CLCNKA: variants seen among roughly 807,000 people sequenced by gnomAD.
CLCNKA encodes the protein chloride voltage-gated channel Ka, also known as chloride channel protein ClC-Ka.
CLCNKA carries 66 observed loss-of-function variants against 83.3 expected under a neutral mutation model. The ratio of observed to expected loss-of-function variants is 0.79; its 90% CI spans 0.65 to 0.97. CLCNKA has a LOEUF of 0.97. CLCNKA is among the 50% of genes least tolerant of loss of function. CLCNKA has a pLI of 0.00. For missense variants in CLCNKA, 806 were observed against 888.7 expected, an observed-to-expected ratio of 0.91 and a Z score of 1.18; for synonymous variants, 357 against 370.4, an observed-to-expected ratio of 0.96 and a Z score of 0.42.
chr1:16,033,371 G>T, intron 19 of CLCNKA, 115 bp downstream of exon 19: 1 of 1,229,644 alleles, frequency 8.1e-7, no homozygotes, highest in Non-Finnish European at 1.2e-6. Flanking sequence ...GGGATTCAGA[G>T]GATACTTATG....
In CLCNKA at chr1:16,031,710, C is replaced by T. The variant is rs764018505; in HGVS notation, c.1623C>T (p.Gly541=). The T allele has an allele frequency of 3.1e-6, 5 of 1,613,682 alleles. No individual in the cohort carries two copies. Among genetic ancestry groups the T allele is most frequent in the East Asian group, 2.2e-5 (1 of 44,888 alleles). Residue 541 remains glycine, a splice_region_variant and synonymous_variant, in exon 16 of 20, where the codon GGC becomes GGT. Transcript: ENST00000331433. ...CTGATGGGAGCCCCTCTGCCTGCAG[C>T]TCCCACCATGTGAGGGTGGAGCACT... ...YLPRILGRNI[G]SHHVRVEHFM...
At chr1:16,029,090 G>T (rs762839030) in intron 11 of CLCNKA, 36 bp from the exon 12 acceptor site, 26 of 1,602,078 alleles carry the variant, frequency 1.6e-5, no homozygotes, top group Non-Finnish European at 2.1e-5. Flanking sequence ...GCTGGGGGGG[G>T]CCCCTCATGT....
intron 15 of CLCNKA, 34 bp from the exon 16 acceptor site, chr1:16,031,676 C>G (rs1220705937): frequency 6.2e-7 from 1 of 1,613,386 alleles, no homozygotes; most frequent in African/African-American, 1.3e-5. Flanking sequence ...ACATCCCCGA[C>G]TCCGGGACCT....
At chr1:16,029,321 T>A (rs1284109197) in intron 12 of CLCNKA, 22 bp downstream of exon 12, 4 of 1,613,356 alleles carry the variant, frequency 2.5e-6, no homozygotes, top group South Asian at 1.1e-5. Context: ...GACCCCCAGG[T>A]GTGCACAGAG....
chr1:16,026,824 C>G (rs369567599), intron 7 of CLCNKA, 49 bp downstream of exon 7: 2,163 of 1,606,254 alleles, frequency 1.3e-3, no homozygotes, highest in Non-Finnish European at 1.8e-3. Flanking sequence ...AGCTCCTCCC[C>G]TCACACCCTG....
intron 15 of CLCNKA, among the ~76,000 whole-genome samples, chr1:16,030,984 G>A: frequency 6.6e-6 from 1 of 152,166 alleles, no homozygotes; most frequent in Non-Finnish European, 1.5e-5. Flanking sequence ...TCTTGCTCCA[G>A]GTGACACAGA....
At position 16,026,901 on chromosome 1, in the gene CLCNKA, C is replaced by G. The variant is rs1245925819; in HGVS notation, c.655+126C>G. ...GCTCATTCTTGTTCTCACTTCAGCC[C>G]CGCTTTGGGTATAGCCACCCCCCGG... On this transcript the variant is annotated intron_variant, in intron 7 of 19. Coordinates refer to ENST00000331433, the MANE Select transcript of CLCNKA (RefSeq NM_004070.4). The G allele has an allele frequency of 7.4e-6, 10 of 1,344,072 alleles. No homozygotes were observed. The Admixed American group carries it at 1.2e-4, about 16-fold the overall frequency. The allele number at this position is 1,344,072 out of a possible 1,614,324, so 83.3% of individuals were successfully genotyped here.
intron 10 of CLCNKA, 123 bp downstream of exon 10, chr1:16,028,242 C>T: frequency 1.1e-6 from 1 of 896,892 alleles, no homozygotes; most frequent in Non-Finnish European, 1.8e-6. Flanking sequence ...GCCCGTGGAG[C>T]ATCTAACAAC....
At chr1:16,029,469 A>G (rs2022522809) in intron 12 of CLCNKA, 170 bp downstream of exon 12, 3 of 1,129,812 alleles carry the variant, frequency 2.7e-6, no homozygotes, top group African/African-American at 1.5e-5. Context: ...AGGTCTCTGG[A>G]CCTCAGTCTT....
rs573376516 is a variant in CLCNKA at position 16,022,742 on chromosome 1, T to C, written c.100+23T>C. ...AAGGTGAGAGCCAGGTCCTCTTCCC[T>C]ACCCGCGGGGGACCACTCAGGACAT... On this transcript the variant is annotated intron_variant, in intron 2 of 19. Transcript: ENST00000331433. The C allele has an allele frequency of 2.0e-6, 3 of 1,470,316 alleles. No individual in the cohort carries two copies. The South Asian group carries it at 4.1e-5, about 20-fold the overall frequency. The allele number at this position is 1,470,316 out of a possible 1,614,324, so 91.1% of individuals were successfully genotyped here.
intron 3 of CLCNKA, 84 bp downstream of exon 3, chr1:16,024,012 C>A (rs972926113): frequency 6.5e-7 from 1 of 1,547,372 alleles, no homozygotes; most frequent in Non-Finnish European, 8.9e-7. Context: ...CCAAGTGCAG[C>A]GGTGCAGGGA....
At position 16,022,707 on chromosome 1, in the gene CLCNKA, C is replaced by T. The variant is rs770883622; in HGVS notation, c.88C>T (p.Arg30Ter). The T allele has an allele frequency of 1.5e-5, 23 of 1,539,428 alleles. No homozygotes were observed. The highest frequency in any genetic ancestry group is 1.7e-4 in the Middle Eastern group (1 of 5,900). Residue 30 changes from arginine to a stop codon, truncating the protein, a stop_gained, in exon 2 of 20, where the codon CGA becomes TGA. Coordinates refer to ENST00000331433, the MANE Select transcript of CLCNKA (RefSeq NM_004070.4). LOFTEE classifies it high-confidence loss of function. The part of the protein sequence containing the change: ...ELWGPCPHIR[R>*]AIQGGLEWLK... ...GTGGGGCCCCTGTCCCCACATCCGC[C>T]GAGCCATCCAAGGTGAGAGCCAGGT... is the stretch of plus-strand genomic sequence containing the variant.
chr1:16,030,205 G>A, intron 14 of CLCNKA, 130 bp downstream of exon 14: 1 of 766,178 alleles, frequency 1.3e-6, no homozygotes, highest in Non-Finnish European at 2.2e-6. Flanking sequence ...CCCCTCATGG[G>A]GGTCTGTCCC....
intron 11 of CLCNKA, 71 bp from the exon 12 acceptor site, chr1:16,029,055 G>A (rs891427258): frequency 7.6e-6 from 12 of 1,575,102 alleles, no homozygotes; most frequent in East Asian, 2.3e-5. Context: ...GGGGTCAGGC[G>A]GTGCGGGGGA....
chr1:16,026,859 C>T, intron 7 of CLCNKA, 84 bp downstream of exon 7: 1 of 1,540,924 alleles, frequency 6.5e-7, no homozygotes, highest in Non-Finnish European at 9.0e-7. Context: ...AGCTGAGAGC[C>T]TGGAGGAGGG....
rs950649987 is a variant in CLCNKA, at chr1:16,033,746, C to G, written c.*88C>G. 1.1e-4 allele frequency: 141 copies of G among 1,259,500 alleles called. No homozygotes were observed. Among genetic ancestry groups the G allele is most frequent in the Non-Finnish European group, 1.5e-4 (128 of 864,818 alleles). The allele number at this position is 1,259,500 out of a possible 1,614,324, so 78.0% of individuals were successfully genotyped here. On this transcript the variant is annotated 3_prime_UTR_variant, in exon 20 of 20. Coordinates refer to ENST00000331433, the MANE Select transcript of CLCNKA (RefSeq NM_004070.4). ...CCTGCTTCTCTTCCCCCATCACCAC[C>G]TGCCCCTCCCTCCAGCCCAGCTCCA...
Position 16,030,461 on chromosome 1 carries a change from G to A in CLCNKA, c.1409G>A (p.Gly470Glu), listed in dbSNP as rs1480067730. ...PIMPGGYALA[G>E]AAAFSGAVTH... Reference sequence around the variant, plus strand: ...GACCTGTGTGGCTCTGCCCCGGCAGGGGCTGCAGCCTTCTCAGGGGCTGTG... The same window carrying A: ...GACCTGTGTGGCTCTGCCCCGGCAGAGGCTGCAGCCTTCTCAGGGGCTGTG... Residue 470 changes from glycine (G) to glutamate (E), a missense_variant and splice_region_variant, in exon 15 of 20, where the codon GGG becomes GAG. Gly to Glu is a moderately conservative substitution (Grantham distance 98). Coordinates refer to ENST00000331433, the MANE Select transcript of CLCNKA (RefSeq NM_004070.4). The A allele has an allele frequency of 6.2e-7, 1 of 1,612,560 alleles. No homozygotes were observed. The highest frequency in any genetic ancestry group is 1.1e-5 in the South Asian group (1 of 91,070).
intron 5 of CLCNKA, 127 bp downstream of exon 5, chr1:16,026,374 CTT>C: frequency 1.4e-6 from 2 of 1,462,920 alleles, no homozygotes; most frequent in Non-Finnish European, 1.9e-6. Flanking sequence ...GGAGCTCAGT[CTT>C]AGGGGAAGAG....
chr1:16,027,966 C>T (rs571199355), intron 9 of CLCNKA, 52 bp from the exon 10 acceptor site: 23 of 1,614,012 alleles, frequency 1.4e-5, no homozygotes, highest in South Asian at 5.5e-5. Flanking sequence ...GCCTGGACTG[C>T]GGCCCCTGGT....
Sources: gnomAD v4.1 joint callset for allele counts (sites outside exome capture counted in the v4.1 genomes callset) on GRCh38, gnomAD v4.1.1 for gene constraint, MANE v1.5 for transcripts, NCBI Gene and HGNC (gene_info 2026-07-23, HGNC 2026-07-21) for gene names.